Variants in NUP210 observed in about 807,000 individuals in gnomAD.
The protein encoded by NUP210 is nucleoporin 210.
In NUP210, 151 loss-of-function variants were observed where a neutral mutation model predicts 196.0. The observed-to-expected ratio is 0.77, with a 90% CI of 0.67 to 0.88. The LOEUF (loss-of-function observed/expected upper bound fraction) is 0.88, where lower values mean the gene tolerates loss of function less well. Among genes scored for constraint, NUP210 ranks in the 40% least tolerant of loss-of-function variants. The probability of loss-of-function intolerance (pLI) is 0.00; values close to 1 mark genes in which losing one functional copy is unlikely to be tolerated. For synonymous variants in NUP210, 1,070 were observed against 1,052.7 expected (o/e 1.02, Z -0.32); for missense variants, 2,314 against 2,493.7 (o/e 0.93, Z 1.53).
intron 3 of NUP210, among the ~76,000 whole-genome samples, chr3:13,395,668 C>T (rs545573715): frequency 2.6e-5 from 4 of 152,050 alleles, no homozygotes; most frequent in African/African-American, 7.2e-5. Flanking sequence ...AGGGGTCGAC[C>T]GTGTTTTGTT....
chr3:13,401,060 C>A (rs559386516), intron 1 of NUP210, among the ~76,000 whole-genome samples: 44 of 152,032 alleles, frequency 2.9e-4, no homozygotes, highest in African/African-American at 1.1e-3. Context: ...GAGTTCGAGA[C>A]CAGCCTGACC....
Position 13,373,700 on chromosome 3 carries a change from T to C in NUP210, c.1587+18A>G. The C allele has an allele frequency of 6.2e-7, 1 of 1,613,378 alleles. No homozygotes were observed. On this transcript the variant is annotated intron_variant, in intron 12 of 39. Coordinates refer to ENST00000254508, the MANE Select transcript of NUP210 (RefSeq NM_024923.4). Reference sequence around the variant, plus strand: ...CCATCCGAGCCTCCCAGGGGGTGTCTTGGCCCTGAGATCTCACCTTCATCT... The same window carrying C: ...CCATCCGAGCCTCCCAGGGGGTGTCCTGGCCCTGAGATCTCACCTTCATCT...
chr3:13,361,409 T>G (rs184069218), intron 14 of NUP210, among the ~76,000 whole-genome samples: 31 of 152,344 alleles, frequency 2.0e-4, no homozygotes, highest in African/African-American at 7.5e-4. Flanking sequence ...CAGGGCCCCA[T>G]GGCCTCCTGG....
At chr3:13,389,962 TTGTGG>T (rs1054035674) in intron 4 of NUP210, among the ~76,000 whole-genome samples, 1 of 152,108 alleles carries the variant, frequency 6.6e-6, no homozygotes, top group African/African-American at 2.4e-5. Context: ...TTCACAAGCG[TTGTGG>T]TGTCCAAAGT....
At chr3:13,333,686 G>A (rs1203412441) in intron 28 of NUP210, among the ~76,000 whole-genome samples, 3 of 152,170 alleles carry the variant, frequency 2.0e-5, no homozygotes, top group Non-Finnish European at 4.4e-5. Context: ...CAGGTGAGAC[G>A]AGGCTGACTC....
chr3:13,324,595 G>GCCTC (rs1449509117), intron 33 of NUP210, among the ~76,000 whole-genome samples: 6 of 152,068 alleles, frequency 3.9e-5, no homozygotes, highest in Admixed American at 3.3e-4. Flanking sequence ...GCTCTGATGT[G>GCCTC]CCTCCCTCCC....
In NUP210 at chr3:13,325,795, C is replaced by A; in HGVS notation, c.4644G>T (p.Glu1548Asp). The A allele has an allele frequency of 6.2e-7, 1 of 1,613,746 alleles. No individual in the cohort carries two copies. The highest frequency in any genetic ancestry group is 8.5e-7 in the Non-Finnish European group (1 of 1,179,944). Reference protein sequence around the residue: ...EVAGHLRTYKEVVVSVPQRIM... With the variant: ...EVAGHLRTYKDVVVSVPQRIM... The stretch of plus-strand genomic sequence containing the variant: ...GTGCCTCCGGCTGCTTAGAGCCCAC[C>A]TCCTTGTAGGTCCTCAGGTGCCCAG... The change falls in exon 33 of 40, where the codon GAG (glutamate) becomes GAT (aspartate). Residue 1548 changes from glutamate to aspartate, a missense_variant and splice_region_variant. By Grantham distance (45) the Glu-to-Asp change is conservative. Coordinates refer to ENST00000254508, the MANE Select transcript of NUP210 (RefSeq NM_024923.4).
intron 1 of NUP210, among the ~76,000 whole-genome samples, chr3:13,409,075 C>A (rs1262416691): frequency 6.6e-6 from 1 of 152,196 alleles, no homozygotes; most frequent in African/African-American, 2.4e-5. Context: ...GCCTCCCCTG[C>A]CCTTCCCACA....
At position 13,348,493 on chromosome 3, in the gene NUP210, G is replaced by A; in HGVS notation, c.2835+3386C>T. ...CTAACTTGGAACTCCCCTCTTCTTG[G>A]TAATGGGGAAGTTTTTATTAATTTC... On this transcript the variant is annotated intron_variant, in intron 20 of 39. Transcript: ENST00000254508. This position sits in a 1 kb window ranked among gnomAD's most constrained non-coding sequence, Gnocchi z 4.0. 1.0e-6 allele frequency: 1 copy of A among 985,414 alleles called. No homozygotes were observed. The highest frequency in any genetic ancestry group is 1.2e-6 in the Non-Finnish European group (1 of 829,922). The allele number at this position is 985,414 out of a possible 1,614,324, so 61.0% of individuals were successfully genotyped here.
intron 2 of NUP210, among the ~76,000 whole-genome samples, 193 bp from the exon 3 acceptor site, chr3:13,397,681 G>A (rs1292736946): frequency 6.6e-6 from 1 of 152,200 alleles, no homozygotes; most frequent in Non-Finnish European, 1.5e-5. Context: ...GGCTGTGGGG[G>A]CCTTGTCACC....
intron 1 of NUP210, among the ~76,000 whole-genome samples, chr3:13,415,767 C>T (rs568408982): frequency 1.3e-5 from 2 of 152,292 alleles, no homozygotes; most frequent in South Asian, 2.1e-4. Context: ...GACCTGCTGA[C>T]GTGCCCGTCC....
intron 9 of NUP210, among the ~76,000 whole-genome samples, chr3:13,376,768 T>G (rs2124917499): frequency 6.6e-6 from 1 of 152,294 alleles, no homozygotes; most frequent in East Asian, 1.9e-4. Flanking sequence ...TCACGTCCCC[T>G]ACAGCTAACT....
At chr3:13,332,934 C>T (rs1697058295) in intron 28 of NUP210, among the ~76,000 whole-genome samples, 2 of 152,200 alleles carry the variant, frequency 1.3e-5, no homozygotes. Context: ...GATAACTGTG[C>T]CAGGACTGAG....
intron 1 of NUP210, among the ~76,000 whole-genome samples, chr3:13,415,887 C>T (rs1209308903): frequency 3.3e-5 from 5 of 152,290 alleles, no homozygotes; most frequent in Non-Finnish European, 5.9e-5. Context: ...CCCACGAAGG[C>T]CTGTGAGGGG....
chr3:13,376,282 C>T lies in NUP210; in HGVS notation c.1293+9G>A, dbSNP rs1217636362. On this transcript the variant is annotated intron_variant, in intron 10 of 39. Coordinates refer to ENST00000254508, the MANE Select transcript of NUP210 (RefSeq NM_024923.4). ...GACAAGGCACGACGCAGGGGAGACA[C>T]CAACTTGCCTGGTCCACCACAGAGG... 2 of 1,613,076 alleles carry T rather than the reference C, an allele frequency of 1.2e-6. No individual in the cohort carries two copies. The highest frequency in any genetic ancestry group is 1.7e-6 in the Non-Finnish European group (2 of 1,179,978).
intron 20 of NUP210, among the ~76,000 whole-genome samples, chr3:13,349,017 G>A (rs1198859034): frequency 6.6e-6 from 1 of 152,260 alleles, no homozygotes; most frequent in African/African-American, 2.4e-5. Flanking sequence ...AACAGCCGGA[G>A]GTGCCAGTTC....
chr3:13,351,990 G>T lies in NUP210; in HGVS notation c.2734-10C>A. On this transcript the variant is annotated splice_polypyrimidine_tract_variant and intron_variant, in intron 19 of 39. Coordinates refer to ENST00000254508, the MANE Select transcript of NUP210 (RefSeq NM_024923.4). ...TGATGCGGAGCTCTGCCTGCAGGAG[G>T]CAGATGCAGGGAGGGTTGGGCCGCA... 1 of 1,608,290 alleles carries T rather than the reference G, an allele frequency of 6.2e-7. No individual in the cohort carries two copies. Among genetic ancestry groups the T allele is most frequent in the Non-Finnish European group, 8.5e-7 (1 of 1,175,220 alleles).
intron 8 of NUP210, among the ~76,000 whole-genome samples, chr3:13,377,949 CCTGGAGGCCCCACAA>C (rs1247593415): frequency 6.6e-6 from 1 of 152,154 alleles, no homozygotes; most frequent in African/African-American, 2.4e-5. Flanking sequence ...ACACCACCCA[CCTGGAGGCCCCACAA>C]CTATGGCCCT....
rs60357556 is a variant in NUP210, at chr3:13,402,707, C to CA, written c.168-2847dup. Among the ~76,000 whole-genome samples, 835 of 148,222 alleles carry CA rather than the reference C, an allele frequency of 5.6e-3. 5 individuals are homozygous for CA. The highest frequency in any genetic ancestry group is 9.6e-3 in the Non-Finnish European group (641 of 66,572). On this transcript the variant is annotated intron_variant, in intron 1 of 39. Coordinates refer to ENST00000254508, the MANE Select transcript of NUP210 (RefSeq NM_024923.4). ...CACAGGCCACGTTTTCATTTTCCGT[C>CA]AAAAAAAAAAGTAACAGGTGAGATT...
Sources: allele counts gnomAD v4.1 joint callset (sites outside exome capture counted in the v4.1 genomes callset), GRCh38; gene constraint gnomAD v4.1.1; non-coding constraint Gnocchi (gnomAD v3.1); transcripts MANE v1.5; gene names NCBI Gene and HGNC (gene_info 2026-07-23, HGNC 2026-07-21).